NEMF: variants seen among roughly 807,000 people sequenced by gnomAD.
The protein encoded by NEMF is ribosome quality control complex subunit NEMF.
NEMF carries 89 observed loss-of-function variants against 162.2 expected under a neutral mutation model. The ratio of observed to expected loss-of-function variants is 0.55; its 90% CI spans 0.46 to 0.65. The LOEUF (loss-of-function observed/expected upper bound fraction) is 0.65, where lower values mean the gene tolerates loss of function less well. NEMF is among the 30% of genes least tolerant of loss of function. The pLI is 0.00. For synonymous variants in NEMF, 421 were observed against 404.5 expected, an observed-to-expected ratio of 1.04 and a Z score of -0.49; for missense variants, 1,133 against 1,261.9, an observed-to-expected ratio of 0.90 and a Z score of 1.55.
chr14:49,835,091 T>C (rs545367583), intron 6 of NEMF, among the ~76,000 whole-genome samples: 3 of 152,050 alleles, frequency 2.0e-5, no homozygotes, highest in Middle Eastern at 3.4e-3. Flanking sequence ...TCCCAGCTAC[T>C]CAGGAGGCTG....
chr14:49,831,063 T>C (rs1594785347), intron 11 of NEMF, among the ~76,000 whole-genome samples: 1 of 152,208 alleles, frequency 6.6e-6, no homozygotes, highest in Non-Finnish European at 1.5e-5. Flanking sequence ...CCCACCGTAT[T>C]TTCCTTTTTT....
rs1054886743 is a variant in NEMF, at chr14:49,832,199, A to C, written c.806+8T>G. ...CCAAAGCAAATTGACCCATGCCTATATGCTTACGTCAGTATGTCTTCAACT... is the reference window on the plus strand; with the variant it reads ...CCAAAGCAAATTGACCCATGCCTATCTGCTTACGTCAGTATGTCTTCAACT... On this transcript the variant is annotated splice_region_variant and intron_variant, in intron 9 of 32. Coordinates refer to ENST00000298310, the MANE Select transcript of NEMF (RefSeq NM_004713.6). 1.3e-5 allele frequency: 21 copies of C among 1,605,020 alleles called. No homozygotes were observed. The African/African-American group carries it at 2.8e-4, about 22-fold the overall frequency.
intron 16 of NEMF, among the ~76,000 whole-genome samples, chr14:49,820,804 G>A: frequency 6.6e-6 from 1 of 152,052 alleles, no homozygotes; most frequent in East Asian, 1.9e-4. Flanking sequence ...TTTTTTGGTG[G>A]AGATGGGGTT....
chr14:49,828,139 A>G (rs1013910428), intron 15 of NEMF, 152 bp downstream of exon 15: 94 of 660,440 alleles, frequency 1.4e-4, no homozygotes, highest in Admixed American at 2.2e-4. Context: ...TCCTGGGGGG[A>G]AAAAATACTG....
At chr14:49,844,341 C>A (rs1188166482) in intron 4 of NEMF, among the ~76,000 whole-genome samples, 1 of 152,202 alleles carries the variant, frequency 6.6e-6, no homozygotes. Context: ...AATGCCACCA[C>A]TGATCTGACA....
In NEMF at chr14:49,814,818, A is replaced by G. The variant is rs763752354; in HGVS notation, c.1617T>C (p.Tyr539=). 9 of 1,593,188 alleles carry G rather than the reference A, an allele frequency of 5.6e-6. No homozygotes were observed. In the Admixed American group the frequency reaches 9.0e-5, roughly 16 times the overall value. ...KFLWFISSEN[Y]LIIGGRDQQQ... is the part of the protein sequence containing the mutation. The stretch of plus-strand genomic sequence containing the variant: ...GCTGATCTCGTCCACCTATAATTAG[A>G]TAGTTCTCTGAGCTAATGAACCACA... The change falls in exon 17 of 33, where the codon TAT becomes TAC. Residue 539 remains tyrosine (Y), a synonymous_variant. Coordinates refer to ENST00000298310, the MANE Select transcript of NEMF (RefSeq NM_004713.6).
intron 16 of NEMF, among the ~76,000 whole-genome samples, chr14:49,823,630 A>T (rs1892197944): frequency 6.6e-6 from 1 of 152,178 alleles, no homozygotes; most frequent in Non-Finnish European, 1.5e-5. Context: ...ATATCTTAAA[A>T]ACAAGATTTC....
At chr14:49,805,706 T>A (rs1594749157) in intron 19 of NEMF, among the ~76,000 whole-genome samples, 1 of 152,102 alleles carries the variant, frequency 6.6e-6, no homozygotes, top group East Asian at 1.9e-4. Flanking sequence ...CAATAATAAC[T>A]GGAACACTCT....
chr14:49,837,265 ACT>A (rs1482745914), intron 6 of NEMF, among the ~76,000 whole-genome samples: 1 of 152,050 alleles, frequency 6.6e-6, no homozygotes, highest in Non-Finnish European at 1.5e-5. Flanking sequence ...ACAGAGAGAG[ACT>A]CTGTCTCAAA....
chr14:49,826,540 C>CAAAAAAAA (rs5808517), intron 15 of NEMF, among the ~76,000 whole-genome samples: 6 of 73,534 alleles, frequency 8.2e-5, no homozygotes, highest in Non-Finnish European at 1.3e-4. Flanking sequence ...GCATTACAAG[C>CAAAAAAAA]AAAAAAAAAA....
chr14:49,841,127 G>A (rs527874491), intron 4 of NEMF, among the ~76,000 whole-genome samples: 2 of 150,654 alleles, frequency 1.3e-5, no homozygotes, highest in East Asian at 1.9e-4. Flanking sequence ...AATCTGGGGG[G>A]TGGAGACTGC....
Position 49,782,635 on chromosome 14 carries a change from G to A in NEMF, c.*2001C>T. 1.3e-6 allele frequency: 2 copies of A among 1,530,560 alleles called. No homozygotes were observed. The highest frequency in any genetic ancestry group is 1.8e-6 in the Non-Finnish European group (2 of 1,121,454). 94.8% of individuals were successfully genotyped at this position (1,530,560 alleles called of 1,614,324 possible). On this transcript the variant is annotated 3_prime_UTR_variant, in exon 33 of 33. Transcript: ENST00000298310. The stretch of plus-strand genomic sequence containing the variant: ...CTTGGCACTTAGATTATTTAAAATT[G>A]TGTTTCCTAAGACTTAGCACTCTCG...
chr14:49,792,866 A>C (rs1890519012), intron 26 of NEMF, among the ~76,000 whole-genome samples: 1 of 152,164 alleles, frequency 6.6e-6, no homozygotes, highest in Non-Finnish European at 1.5e-5. Flanking sequence ...CTGTGATCCC[A>C]GCTGTTTGGG....
intron 5 of NEMF, 110 bp from the exon 6 acceptor site, chr14:49,838,316 C>A: frequency 2.5e-6 from 2 of 798,732 alleles, no homozygotes; most frequent in South Asian, 1.8e-5. Context: ...TTACAATAAT[C>A]TGAAACGTAA....
intron 6 of NEMF, among the ~76,000 whole-genome samples, chr14:49,835,202 C>T (rs1044050106): frequency 4.6e-5 from 6 of 130,896 alleles, no homozygotes; most frequent in African/African-American, 1.2e-4. Flanking sequence ...CTCCGTCCCC[C>T]GCCCCACCCC....
At chr14:49,838,065 TA>T in intron 6 of NEMF, 73 bp downstream of exon 6, 2 of 1,184,536 alleles carry the variant, frequency 1.7e-6, no homozygotes, top group Non-Finnish European at 2.4e-6. Flanking sequence ...AATAAAACCA[TA>T]AAAGATTTCA....
At chr14:49,810,617 T>G (rs1891431276) in intron 18 of NEMF, among the ~76,000 whole-genome samples, 1 of 152,180 alleles carries the variant, frequency 6.6e-6, no homozygotes, top group Non-Finnish European at 1.5e-5. Flanking sequence ...TTTTCAATAC[T>G]GCTTTCGCTA....
chr14:49,829,402 C>G lies in NEMF; in HGVS notation c.970G>C (p.Asp324His). 6.2e-7 allele frequency: 1 copy of G among 1,613,972 alleles called. No individual in the cohort carries two copies. The highest frequency in any genetic ancestry group is 8.5e-7 in the Non-Finnish European group (1 of 1,179,950). ...TTTTCGTGATCCTTTCGAACATTAT[C>G]TAATTTCTTCAATGCTTGCTTTTCC... ...QQEKQALKKLDNVRKDHENRL... is the reference protein window; with the variant it reads ...QQEKQALKKLHNVRKDHENRL... The change falls in exon 12 of 33, where the codon GAT becomes CAT. Residue 324 changes from aspartate (D) to histidine (H), a missense_variant. Asp to His is a moderately conservative substitution (Grantham distance 81). Around this residue, in one of 3 missense-constraint regions of NEMF, gnomAD observed 582 missense variants for 631.5 expected, o/e 0.92. Coordinates refer to ENST00000298310, the MANE Select transcript of NEMF (RefSeq NM_004713.6).
In NEMF at chr14:49,833,508, G is replaced by A; in HGVS notation, c.662-12C>T. ...TACTTTTTCAATATCTAATGGTGGG[G>A]GAAAAAAAGGAAAAAAGGAGTGCCA... On this transcript the variant is annotated splice_polypyrimidine_tract_variant and intron_variant, in intron 7 of 32. Transcript: ENST00000298310. 6.6e-7 allele frequency: 1 copy of A among 1,525,158 alleles called. No homozygotes were observed. Among genetic ancestry groups the A allele is most frequent in the East Asian group, 2.3e-5 (1 of 43,896 alleles). 94.5% of individuals were successfully genotyped at this position (1,525,158 alleles called of 1,614,324 possible).
Sources: allele counts gnomAD v4.1 joint callset (sites outside exome capture counted in the v4.1 genomes callset), GRCh38; gene constraint gnomAD v4.1.1; regional missense constraint gnomAD v4.1.1; transcripts MANE v1.5; gene names NCBI Gene and HGNC (gene_info 2026-07-23, HGNC 2026-07-21).